Variants in RHBDF1 observed in about 807,000 individuals in gnomAD.
RHBDF1 encodes the protein rhomboid 5 homolog 1, also known as inactive rhomboid protein 1.
A neutral mutation model predicts 98.6 loss-of-function variants in RHBDF1; 80 were observed. The observed-to-expected ratio is 0.81, with a 90% CI of 0.68 to 0.98. The LOEUF is 0.98. RHBDF1 is among the 50% of genes least tolerant of loss of function. The pLI, the probability that RHBDF1 is intolerant of heterozygous loss-of-function variation, is 0.00. For missense variants in RHBDF1, 1,116 were observed against 1,198.3 expected, an observed-to-expected ratio of 0.93 and a Z score of 1.01; for synonymous variants, 512 against 486.8, an observed-to-expected ratio of 1.05 and a Z score of -0.68.
chr16:66,060 T>G (rs1192408091), intron 1 of RHBDF1, among the ~76,000 whole-genome samples: 1 of 152,186 alleles, frequency 6.6e-6, no homozygotes, highest in East Asian at 1.9e-4. Context: ...CTGGCAGACC[T>G]GCAGCTGTCC....
Position 63,746 on chromosome 16 carries a change from C to A in RHBDF1, c.303G>T (p.Trp101Cys), listed in dbSNP as rs1480675465. 6.2e-7 allele frequency: 1 copy of A among 1,613,968 alleles called. No homozygotes were observed. The highest frequency in any genetic ancestry group is 1.1e-5 in the South Asian group (1 of 91,080). Residue 101 changes from tryptophan to cysteine, a missense_variant, in exon 4 of 18, where the codon TGG (tryptophan) becomes TGT (cysteine). By Grantham distance (215) the Trp-to-Cys change is radical. Coordinates refer to ENST00000262316, the MANE Select transcript of RHBDF1 (RefSeq NM_022450.5). ...VSKDSDSTQK[W>C]QRKSIRHCSQ... ...TGCAGTGACGGATGCTCTTGCGCTG[C>A]CATTTCTGGGTGCTGTCACTGTCCT...
chr16:72,380 C>T, intron 1 of RHBDF1, 133 bp downstream of exon 1: 1 of 325,448 alleles, frequency 3.1e-6, no homozygotes, highest in Non-Finnish European at 4.4e-6. Context: ...CGGCCCCGGC[C>T]CCGGCCCCGA....
intron 1 of RHBDF1, among the ~76,000 whole-genome samples, chr16:66,136 A>T (rs1392168904): frequency 6.6e-6 from 1 of 152,236 alleles, no homozygotes; most frequent in Non-Finnish European, 1.5e-5. Context: ...CCTGAGCATG[A>T]CACGAGACAG....
chr16:59,118 G>A lies in RHBDF1; in HGVS notation c.2004C>T (p.His668=), dbSNP rs1310383880. ...LSLFLHAGIL[H]CLVSICFQMT... is the part of the protein sequence containing the mutation. ...TCTGGAAGCAGATGGACACCAGGCA[G>A]TGCAAGATCCTGTAGTCAGTAGCAG... is the stretch of plus-strand genomic sequence containing the variant. Residue 668 remains histidine (H), a synonymous_variant, in exon 17 of 18, where the codon CAC becomes CAT. Transcript: ENST00000262316. The A allele has an allele frequency of 1.9e-6, 3 of 1,613,442 alleles. No homozygotes were observed. The highest frequency in any genetic ancestry group is 1.7e-5 in the Admixed American group (1 of 60,018).
rs929563710 is a variant in RHBDF1 at position 61,184 on chromosome 16, T to C, written c.1493A>G (p.His498Arg). 12 of 1,541,880 alleles carry C rather than the reference T, an allele frequency of 7.8e-6. No homozygotes were observed. The Middle Eastern group carries it at 8.3e-4, about 107-fold the overall frequency. ...FIRSAREREK[H>R]SACCVRNDRS... is the part of the protein sequence containing the mutation. The stretch of plus-strand genomic sequence containing the variant: ...GTCGTTGCGCACGCAGCAGGCGGAG[T>C]GCTTCTCGCGCTCGCGCGCCGAGCG... The change falls in exon 11 of 18, where the codon CAC (histidine) becomes CGC (arginine). Residue 498 changes from histidine to arginine, a missense_variant. His to Arg is a conservative substitution (Grantham distance 29). Transcript: ENST00000262316.
intron 1 of RHBDF1, among the ~76,000 whole-genome samples, chr16:69,455 C>T (rs1049112731): frequency 2.4e-4 from 37 of 152,114 alleles, no homozygotes; most frequent in Non-Finnish European, 2.4e-4. Context: ...CCTTCCCAGA[C>T]GTGTCCTCAG....
intron 1 of RHBDF1, among the ~76,000 whole-genome samples, chr16:67,594 C>G (rs1056539941): frequency 6.6e-6 from 1 of 152,248 alleles, no homozygotes; most frequent in African/African-American, 2.4e-5. Flanking sequence ...TCTGCCCACC[C>G]TCCCCTGTGT....
At chr16:61,555 T>C (rs1897624657) in intron 9 of RHBDF1, 30 bp downstream of exon 9, 1 of 1,612,088 alleles carries the variant, frequency 6.2e-7, no homozygotes, top group Non-Finnish European at 8.5e-7. Flanking sequence ...ACTCCACTCG[T>C]CTGGGCCCAG....
rs1897467317 is a variant in RHBDF1, at chr16:58,482, A to G, written c.2426T>C (p.Val809Ala). ...GCCAGCCAGGAGGCCCAGGAAGACC[A>G]CCTGAAAGATGATGATCTGGCAGCG... ...RKRCQIIIFQVVFLGLLAGLV... is the reference protein window; with the variant it reads ...RKRCQIIIFQAVFLGLLAGLV... The change falls in exon 18 of 18, where the codon GTG becomes GCG. Residue 809 changes from valine to alanine, a missense_variant. Val to Ala is a moderately conservative substitution (Grantham distance 64). Transcript: ENST00000262316. 6.2e-7 allele frequency: 1 copy of G among 1,613,984 alleles called. No individual in the cohort carries two copies. Among genetic ancestry groups the G allele is most frequent in the South Asian group, 1.1e-5 (1 of 91,090 alleles).
chr16:75,911 TG>T (rs1484838917), upstream of RHBDF1, among the ~76,000 whole-genome samples: 1 of 152,126 alleles, frequency 6.6e-6, no homozygotes, highest in East Asian at 1.9e-4. Flanking sequence ...GCCAGTGTGC[TG>T]GGCACCCTGG....
Position 60,465 on chromosome 16 carries a change from A to G in RHBDF1, c.1632T>C (p.Phe544=), listed in dbSNP as rs1897567641. 6.2e-7 allele frequency: 1 copy of G among 1,612,202 alleles called. No individual in the cohort carries two copies. The change falls in exon 12 of 18, where the codon TTT becomes TTC. Residue 544 remains phenylalanine (F), a synonymous_variant. Coordinates refer to ENST00000262316, the MANE Select transcript of RHBDF1 (RefSeq NM_022450.5). ...APELAGHKRQ[F]GSVCHQDPRV... ...TGGGATCCTGGTGGCAGACAGAGCC[A>G]AACTGTCTCTTGTGGCCCGCAAGCT... is the stretch of plus-strand genomic sequence containing the variant.
In RHBDF1 at chr16:62,854, C is replaced by T. The variant is rs139734214; in HGVS notation, c.716G>A (p.Arg239Gln). The change falls in exon 6 of 18, where the codon CGA (arginine) becomes CAA (glutamine). Residue 239 changes from arginine to glutamine, a missense_variant. Coordinates refer to ENST00000262316, the MANE Select transcript of RHBDF1 (RefSeq NM_022450.5). ...CAGAAAGCTAGCTGGAGTGAAGCTT[C>T]GACGCTGTGCCCGGCGAAAGGTGCC... ...RDGTFRRAQR[R>Q]SFTPASFLEE... is the part of the protein sequence containing the mutation. The T allele has an allele frequency of 5.3e-4, 852 of 1,613,956 alleles. 6 individuals carry two copies. In the African/African-American group the frequency reaches 8.7e-3, roughly 16 times the overall value.
At position 61,929 on chromosome 16, in the gene RHBDF1, C is replaced by T; in HGVS notation, c.1077G>A (p.Pro359=). ...TCTCCCGGGCGAAGAGCTTGCGCAC[C>T]GGCACCGCGATACGCTGGCCCCGTC... ...GPRRGQRIAV[P]VRKLFAREKR... is the part of the protein sequence containing the mutation. Residue 359 remains proline (P), a synonymous_variant, in exon 8 of 18, where the codon CCG becomes CCA. Transcript: ENST00000262316. 1 of 1,600,614 alleles carries T rather than the reference C, an allele frequency of 6.2e-7. No individual in the cohort carries two copies.
rs572278000 is a variant in RHBDF1, at chr16:63,936, G to A, written c.249-136C>T. The A allele has an allele frequency of 2.2e-4, 179 of 813,160 alleles. No homozygotes were observed. The South Asian group carries it at 2.4e-3, about 11-fold the overall frequency. 50.4% of individuals were successfully genotyped at this position (813,160 alleles called of 1,614,324 possible). A position where few individuals can be genotyped will look rare whatever the true frequency, so the allele number is the denominator to read the frequency against. On this transcript the variant is annotated intron_variant, in intron 3 of 17. Coordinates refer to ENST00000262316, the MANE Select transcript of RHBDF1 (RefSeq NM_022450.5). ...AGGGACCAGGGTCTGAGTGGGCAAGGTCTAATAAGAGGATGAGTGGGTTCC... is the reference window on the plus strand; with the variant it reads ...AGGGACCAGGGTCTGAGTGGGCAAGATCTAATAAGAGGATGAGTGGGTTCC...
At chr16:71,602 G>A (rs1363168509) in intron 1 of RHBDF1, among the ~76,000 whole-genome samples, 1 of 152,172 alleles carries the variant, frequency 6.6e-6, no homozygotes, top group Admixed American at 6.5e-5. Context: ...GAGTTCCCAG[G>A]ATAGGAGAAG....
At chr16:66,519 A>G (rs1897833564) in intron 1 of RHBDF1, among the ~76,000 whole-genome samples, 1 of 152,190 alleles carries the variant, frequency 6.6e-6, no homozygotes, top group African/African-American at 2.4e-5. Context: ...TACCAGGGAA[A>G]GGCTGGGAAT....
chr16:60,415 G>C (rs776996935), intron 12 of RHBDF1, 24 bp downstream of exon 12: 1 of 1,606,190 alleles, frequency 6.2e-7, no homozygotes, highest in Non-Finnish European at 8.5e-7. Flanking sequence ...AAAGGCAGGT[G>C]AGAGAGCTGC....
chr16:74,034 T>C, upstream of RHBDF1: 1 of 712,532 alleles, frequency 1.4e-6, no homozygotes, highest in Non-Finnish European at 1.7e-6. Flanking sequence ...ATCAACACAA[T>C]TCTCATGTAG....
At chr16:69,699 A>G (rs1231467287) in intron 1 of RHBDF1, among the ~76,000 whole-genome samples, 5 of 152,160 alleles carry the variant, frequency 3.3e-5, no homozygotes, top group Admixed American at 1.3e-4. Context: ...GCTGAGAATG[A>G]TATTTGCTAG....
Sources: allele counts gnomAD v4.1 joint callset (sites outside exome capture counted in the v4.1 genomes callset), GRCh38; gene constraint gnomAD v4.1.1; transcripts MANE v1.5; gene names NCBI Gene and HGNC (gene_info 2026-07-23, HGNC 2026-07-21).